PACRG: variants seen among roughly 807,000 people sequenced by gnomAD.
The protein encoded by PACRG is parkin coregulated gene protein.
Under a neutral mutation model 29.7 loss-of-function variants are expected in PACRG, and 29 were observed. The ratio of observed to expected loss-of-function variants is 0.98; its 90% CI spans 0.73 to 1.33. The LOEUF (loss-of-function observed/expected upper bound fraction) is 1.33, where lower values mean the gene tolerates loss of function less well. Among genes scored for constraint, PACRG ranks in the 40% most tolerant of loss-of-function variants. The pLI, the probability that PACRG is intolerant of heterozygous loss-of-function variation, is 0.00. For synonymous variants in PACRG, 116 were observed against 118.7 expected, an observed-to-expected ratio of 0.98 and a Z score of 0.15; for missense variants, 279 against 316.2, an observed-to-expected ratio of 0.88 and a Z score of 0.89.
At chr6:163,021,250 C>T (rs1460208764) in intron 2 of PACRG, among the ~76,000 whole-genome samples, 1 of 152,228 alleles carries the variant, frequency 6.6e-6, no homozygotes, top group African/African-American at 2.4e-5. Flanking sequence ...AGCTCCCACT[C>T]TGCCTGCCCC....
At chr6:162,880,923 G>A (rs1161723763) in intron 2 of PACRG, among the ~76,000 whole-genome samples, 1 of 152,248 alleles carries the variant, frequency 6.6e-6, no homozygotes, top group African/African-American at 2.4e-5. Flanking sequence ...CGTGGCAGCT[G>A]CACTGCATTA....
chr6:162,798,347 ATGT>A (rs1007234286), intron 1 of PACRG, among the ~76,000 whole-genome samples: 20 of 152,276 alleles, frequency 1.3e-4, no homozygotes, highest in African/African-American at 4.8e-4. Context: ...CAAGAAACAA[ATGT>A]TGTCCCTCAT....
At chr6:163,248,360 G>A (rs550763085) in intron 4 of PACRG, among the ~76,000 whole-genome samples, 1 of 151,890 alleles carries the variant, frequency 6.6e-6, no homozygotes, top group African/African-American at 2.4e-5. Context: ...TTATTGTGTG[G>A]GGATTGCTCA....
At chr6:162,954,501 C>T (rs928779259) in intron 2 of PACRG, among the ~76,000 whole-genome samples, 1 of 146,932 alleles carries the variant, frequency 6.8e-6, no homozygotes, top group Non-Finnish European at 1.5e-5. Flanking sequence ...AATATTTAAA[C>T]ATTATTTTTT....
intron 2 of PACRG, among the ~76,000 whole-genome samples, chr6:162,945,281 GAC>G: frequency 6.6e-6 from 1 of 151,986 alleles, no homozygotes; most frequent in South Asian, 2.1e-4. Flanking sequence ...CACCTGTAAA[GAC>G]ACATATAGAC....
chr6:163,272,954 G>C (rs1466532616), intron 4 of PACRG, among the ~76,000 whole-genome samples: 2 of 133,810 alleles, frequency 1.5e-5, no homozygotes, highest in South Asian at 2.4e-4. Context: ...TGCAGTGGCG[G>C]GATCTCGGCT....
At chr6:163,032,268 ATTAGT>A (rs1318261460) in intron 2 of PACRG, among the ~76,000 whole-genome samples, 3 of 152,228 alleles carry the variant, frequency 2.0e-5, no homozygotes, top group Non-Finnish European at 4.4e-5. Context: ...TTAGACTTTC[ATTAGT>A]TTAGTTCATG....
At chr6:163,293,814 C>CA (rs1784695417) in intron 4 of PACRG, among the ~76,000 whole-genome samples, 1 of 151,732 alleles carries the variant, frequency 6.6e-6, no homozygotes. Context: ...GGAAACTAAA[C>CA]AAAAATCCAG....
intron 2 of PACRG, among the ~76,000 whole-genome samples, chr6:162,912,223 A>G (rs1796349636): frequency 1.3e-5 from 2 of 152,184 alleles, no homozygotes; most frequent in South Asian, 4.1e-4. Flanking sequence ...AAAAAAATCT[A>G]TCCTGTTTCC....
At chr6:162,942,655 G>C (rs1056858426) in intron 2 of PACRG, among the ~76,000 whole-genome samples, 2 of 152,038 alleles carry the variant, frequency 1.3e-5, no homozygotes, top group African/African-American at 4.8e-5. Context: ...CATAATTAAA[G>C]CCCATATGTT....
intron 1 of PACRG, among the ~76,000 whole-genome samples, chr6:162,743,207 A>G (rs562196599): frequency 6.6e-6 from 1 of 152,240 alleles, no homozygotes; most frequent in South Asian, 2.1e-4. Flanking sequence ...GCCCACTTTA[A>G]AAAATTTGTT....
chr6:163,158,156 T>C (rs1778397535), intron 4 of PACRG, among the ~76,000 whole-genome samples: 1 of 152,220 alleles, frequency 6.6e-6, no homozygotes, highest in Non-Finnish European at 1.5e-5. Flanking sequence ...TGGACCTTCA[T>C]CTATGTGTTT....
At chr6:163,283,430 T>A (rs898477616) in intron 4 of PACRG, among the ~76,000 whole-genome samples, 4 of 152,244 alleles carry the variant, frequency 2.6e-5, no homozygotes, top group Admixed American at 2.6e-4. Flanking sequence ...GCAATTTGAT[T>A]AAGATTATGT....
At chr6:163,042,344 T>C (rs1247487848) in intron 2 of PACRG, among the ~76,000 whole-genome samples, 5 of 152,160 alleles carry the variant, frequency 3.3e-5, no homozygotes, top group South Asian at 2.1e-4. Flanking sequence ...CGATGCTTGG[T>C]CTTCTCCAGC....
chr6:162,875,309 ATG>A (rs1181989095), intron 2 of PACRG, among the ~76,000 whole-genome samples: 5 of 151,826 alleles, frequency 3.3e-5, no homozygotes, highest in Non-Finnish European at 7.4e-5. Context: ...ACACACAGAC[ATG>A]CACAGACATT....
chr6:162,832,369 T>C (rs1422452373), intron 2 of PACRG, among the ~76,000 whole-genome samples: 1 of 152,216 alleles, frequency 6.6e-6, no homozygotes, highest in African/African-American at 2.4e-5. Context: ...TGTTTGTTTT[T>C]TTAAGAAAAG....
At chr6:162,782,364 AT>A (rs1189271673) in intron 1 of PACRG, among the ~76,000 whole-genome samples, 1 of 152,012 alleles carries the variant, frequency 6.6e-6, no homozygotes, top group African/African-American at 2.4e-5. Flanking sequence ...TATAACAAAC[AT>A]TTTTTATTAC....
intron 2 of PACRG, among the ~76,000 whole-genome samples, chr6:162,974,697 A>AT (rs1201392775): frequency 2.0e-5 from 3 of 152,202 alleles, no homozygotes; most frequent in African/African-American, 7.2e-5. Flanking sequence ...GCTAACACAT[A>AT]TCATGCTTAG....
intron 4 of PACRG, among the ~76,000 whole-genome samples, chr6:163,229,482 A>G (rs1781937151): frequency 6.6e-6 from 1 of 152,230 alleles, no homozygotes; most frequent in South Asian, 2.1e-4. Flanking sequence ...TGCCAGAATC[A>G]TCATTTTATG....
Sources: allele counts gnomAD v4.1 joint callset (sites outside exome capture counted in the v4.1 genomes callset), GRCh38; gene constraint gnomAD v4.1.1; transcripts MANE v1.5; gene names NCBI Gene and HGNC (gene_info 2026-07-23, HGNC 2026-07-21).